Variants in UBE2D1 observed in about 807,000 individuals in gnomAD.
UBE2D1 encodes the protein ubiquitin conjugating enzyme E2 D1, also known as ubiquitin-conjugating enzyme E2 D1.
In UBE2D1, 9 loss-of-function variants were observed where a neutral mutation model predicts 24.6. The ratio of observed to expected loss-of-function variants is 0.37; its 90% confidence interval spans 0.22 to 0.64. UBE2D1 has a LOEUF of 0.64. UBE2D1 is among the 30% of genes least tolerant of loss of function. The probability of loss-of-function intolerance (pLI) is 0.64; values close to 1 mark genes in which losing one functional copy is unlikely to be tolerated. For missense variants in UBE2D1, 87 were observed against 177.1 expected, an observed-to-expected ratio of 0.49 and a Z score of 2.89; for synonymous variants, 57 against 57.6, an observed-to-expected ratio of 0.99 and a Z score of 0.04.
intron 1 of UBE2D1, among the ~76,000 whole-genome samples, chr10:58,358,000 A>G (rs1254389249): frequency 2.0e-5 from 3 of 151,940 alleles, no homozygotes; most frequent in Non-Finnish European, 4.4e-5. Context: ...GAATTAGTGC[A>G]TCAAAAATAA....
intron 1 of UBE2D1, among the ~76,000 whole-genome samples, chr10:58,353,729 G>A (rs1840101305): frequency 6.6e-6 from 1 of 152,048 alleles, no homozygotes; most frequent in Admixed American, 6.5e-5. Flanking sequence ...TTATTTAAAA[G>A]CTCACCATAG....
At position 58,335,061 on chromosome 10, in the gene UBE2D1, A is replaced by C. The variant is rs1839884751; in HGVS notation, c.-141A>C. On this transcript the variant is annotated 5_prime_UTR_variant, in exon 1 of 7. Coordinates refer to ENST00000373910, the MANE Select transcript of UBE2D1 (RefSeq NM_003338.5). ...ACACGGAGCAGGGACCGGCGCCCGG[A>C]GCGAGCCAGGGAGCGGCTAACCGGG... is the stretch of plus-strand genomic sequence containing the variant. 1.1e-6 allele frequency: 1 copy of C among 873,290 alleles called. No individual in the cohort carries two copies. Among genetic ancestry groups the C allele is most frequent in the Non-Finnish European group, 1.7e-6 (1 of 574,440 alleles). The allele number at this position is 873,290 out of a possible 1,614,324, so 54.1% of individuals were successfully genotyped here.
At chr10:58,366,443 C>G (rs1840256110) in intron 5 of UBE2D1, among the ~76,000 whole-genome samples, 1 of 152,124 alleles carries the variant, frequency 6.6e-6, no homozygotes, top group East Asian at 1.9e-4. Context: ...GGTTTGTGTG[C>G]ATGATAGTGA....
intron 1 of UBE2D1, among the ~76,000 whole-genome samples, chr10:58,352,172 A>G (rs139908912): frequency 6.6e-6 from 1 of 152,244 alleles, no homozygotes; most frequent in African/African-American, 2.4e-5. Context: ...AGGTGAAATA[A>G]GTACTCTTGG....
chr10:58,337,207 A>G (rs531265471), intron 1 of UBE2D1, among the ~76,000 whole-genome samples: 1 of 152,354 alleles, frequency 6.6e-6, no homozygotes, highest in South Asian at 2.1e-4. Flanking sequence ...TGGAAAAGAA[A>G]TTGGGGATGA....
intron 1 of UBE2D1, among the ~76,000 whole-genome samples, chr10:58,360,445 C>T (rs1840182871): frequency 6.7e-6 from 1 of 150,372 alleles, no homozygotes; most frequent in Non-Finnish European, 1.5e-5. Context: ...AAAAAAAATC[C>T]AAAAAAGAGA....
chr10:58,350,634 T>C lies in UBE2D1; in HGVS notation c.25-10704T>C, dbSNP rs192396031. 1.7e-4 allele frequency among the ~76,000 whole-genome samples: 26 copies of C among 152,310 alleles called. No individual in the cohort carries two copies. In the East Asian group the frequency reaches 4.6e-3, roughly 27 times the overall value. ...CAAGTCCAAATTTTTCATTTTTTCT[T>C]TTATTGTTAGTGCTCTTTGTGTCCT... On this transcript the variant is annotated intron_variant, in intron 1 of 6. Transcript: ENST00000373910.
At chr10:58,358,632 A>G (rs1840158852) in intron 1 of UBE2D1, among the ~76,000 whole-genome samples, 1 of 152,174 alleles carries the variant, frequency 6.6e-6, no homozygotes, top group Admixed American at 6.5e-5. Flanking sequence ...CTTTGGAGAG[A>G]GAAAAAAAGA....
rs1195269737 is a variant in UBE2D1 at position 58,368,753 on chromosome 10, A to G, written c.432A>G (p.Lys144=). ...YNRHAREWTQ[K]YAM is the part of the protein sequence containing the mutation. ...GACATGCAAGAGAATGGACTCAGAA[A>G]TATGCAATGTAAAAATCAAAAACAT... Residue 144 remains lysine (K), a synonymous_variant, in exon 7 of 7, where the codon AAA becomes AAG. Coordinates refer to ENST00000373910, the MANE Select transcript of UBE2D1 (RefSeq NM_003338.5). The G allele has an allele frequency of 1.3e-6, 2 of 1,588,952 alleles. No homozygotes were observed. The highest frequency in any genetic ancestry group is 1.4e-5 in the African/African-American group (1 of 73,810).
At chr10:58,347,384 G>T (rs1840027981) in intron 1 of UBE2D1, among the ~76,000 whole-genome samples, 1 of 152,100 alleles carries the variant, frequency 6.6e-6, no homozygotes, top group Non-Finnish European at 1.5e-5. Context: ...CTTTTACTTG[G>T]CTACTTTGGA....
At chr10:58,362,778 G>C (rs2132331391) in intron 3 of UBE2D1, among the ~76,000 whole-genome samples, 1 of 152,070 alleles carries the variant, frequency 6.6e-6, no homozygotes, top group African/African-American at 2.4e-5. Flanking sequence ...AAATCCTCTA[G>C]CATATATGTG....
chr10:58,368,045 A>G (rs375341620), intron 6 of UBE2D1, 29 bp downstream of exon 6: 2 of 1,491,850 alleles, frequency 1.3e-6, no homozygotes, highest in African/African-American at 2.8e-5. Flanking sequence ...TAGTTTCTGT[A>G]TGGATACATT....
chr10:58,364,593 C>T, intron 4 of UBE2D1, 178 bp from the exon 5 acceptor site: 1 of 519,708 alleles, frequency 1.9e-6, no homozygotes, highest in Non-Finnish European at 3.4e-6. Flanking sequence ...TTCACATTCT[C>T]ACTAGCTAGA....
At chr10:58,350,902 C>T (rs948208557) in intron 1 of UBE2D1, among the ~76,000 whole-genome samples, 1 of 152,152 alleles carries the variant, frequency 6.6e-6, no homozygotes, top group Non-Finnish European at 1.5e-5. Context: ...TCTGTTGCTC[C>T]TAGGCTAGAA....
At chr10:58,355,450 G>T (rs1298783124) in intron 1 of UBE2D1, among the ~76,000 whole-genome samples, 1 of 152,156 alleles carries the variant, frequency 6.6e-6, no homozygotes, top group African/African-American at 2.4e-5. Context: ...ATTGATATTT[G>T]AGGTAACTGT....
intron 1 of UBE2D1, among the ~76,000 whole-genome samples, chr10:58,352,958 C>A (rs1840093232): frequency 6.6e-6 from 1 of 152,044 alleles, no homozygotes; most frequent in Non-Finnish European, 1.5e-5. Context: ...AGAAGGGGAC[C>A]CTTGAGACTT....
At chr10:58,361,446 T>C (rs1220005050) in intron 2 of UBE2D1, 45 bp downstream of exon 2, 2 of 1,614,066 alleles carry the variant, frequency 1.2e-6, no homozygotes, top group Non-Finnish European at 1.7e-6. Flanking sequence ...TTTAAAAATA[T>C]AGGTTTGAAC....
At chr10:58,363,553 G>A (rs932402462) in intron 3 of UBE2D1, 56 bp from the exon 4 acceptor site, 31 of 1,252,054 alleles carry the variant, frequency 2.5e-5, no homozygotes, top group Non-Finnish European at 3.3e-5. Flanking sequence ...AAATAATTTT[G>A]TTGTTATAAA....
chr10:58,346,151 C>T (rs1840013643), intron 1 of UBE2D1, among the ~76,000 whole-genome samples: 1 of 151,972 alleles, frequency 6.6e-6, no homozygotes, highest in Admixed American at 6.6e-5. Flanking sequence ...GCTGGGACTA[C>T]AGGCGTGCAC....
Sources: gnomAD v4.1 joint callset for allele counts (sites outside exome capture counted in the v4.1 genomes callset) on GRCh38, gnomAD v4.1.1 for gene constraint, MANE v1.5 for transcripts, NCBI Gene and HGNC (gene_info 2026-07-23, HGNC 2026-07-21) for gene names.